CPAMD8: variants seen among roughly 807,000 people sequenced by gnomAD.
The protein encoded by CPAMD8 is C3 and PZP-like alpha-2-macroglobulin domain-containing protein 8.
Under a neutral mutation model 224.7 loss-of-function variants are expected in CPAMD8, and 146 were observed. That is an observed-to-expected ratio of 0.65 (90% CI 0.57 to 0.75). The LOEUF (loss-of-function observed/expected upper bound fraction) is 0.75, where lower values mean the gene tolerates loss of function less well. Among genes scored for constraint, CPAMD8 ranks in the 30% least tolerant of loss-of-function variants. The pLI is 0.00. For synonymous variants in CPAMD8, 966 were observed against 1,044.6 expected, an observed-to-expected ratio of 0.92 and a Z score of 1.45; for missense variants, 2,301 against 2,537.5, an observed-to-expected ratio of 0.91 and a Z score of 2.00.
chr19:16,975,960 C>G (rs766691852), intron 16 of CPAMD8, 42 bp downstream of exon 16: 3 of 1,475,778 alleles, frequency 2.0e-6, no homozygotes, highest in African/African-American at 2.9e-5. Context: ...GAAGGTAAAG[C>G]CCCGTGGAGG....
intron 3 of CPAMD8, among the ~76,000 whole-genome samples, chr19:17,016,006 C>T (rs142916493): frequency 9.9e-5 from 15 of 152,268 alleles, no homozygotes; most frequent in East Asian, 3.9e-4. Context: ...TGCTGTGGTG[C>T]GATCACGTCT....
intron 29 of CPAMD8, among the ~76,000 whole-genome samples, chr19:16,912,322 C>A (rs575966654): frequency 2.2e-4 from 33 of 152,226 alleles, no homozygotes; most frequent in African/African-American, 7.5e-4. Flanking sequence ...TGCTGCCCTG[C>A]AGGGCAGGCC....
In CPAMD8 at chr19:16,945,609, A is replaced by G; in HGVS notation, c.2733T>C (p.Asn911=). ...DGRSSKHPEE[N]HADRRVPIGV... Reference sequence around the variant, plus strand: ...CGATGGGGACCCTCCTGTCGGCGTGATTCTCCTCAGGGTGTTTGCTGGACC... The same window carrying G: ...CGATGGGGACCCTCCTGTCGGCGTGGTTCTCCTCAGGGTGTTTGCTGGACC... The change falls in exon 22 of 42, where the codon AAT becomes AAC. Residue 911 remains asparagine (N), a synonymous_variant. Transcript: ENST00000443236. 1 of 1,614,130 alleles carries G rather than the reference A, an allele frequency of 6.2e-7. No individual in the cohort carries two copies.
At chr19:17,015,438 G>C (rs1219288188) in intron 3 of CPAMD8, among the ~76,000 whole-genome samples, 1 of 151,914 alleles carries the variant, frequency 6.6e-6, no homozygotes, top group Non-Finnish European at 1.5e-5. Flanking sequence ...CCATTGTGTG[G>C]GTGAGGTCGG....
chr19:16,986,678 G>A (rs1214196454), intron 13 of CPAMD8, among the ~76,000 whole-genome samples: 1 of 152,008 alleles, frequency 6.6e-6, no homozygotes, highest in East Asian at 1.9e-4. Flanking sequence ...AGAGGTTTAT[G>A]GGCTGGTAGG....
At chr19:16,953,572 G>A (rs1244268297) in intron 19 of CPAMD8, among the ~76,000 whole-genome samples, 2 of 149,686 alleles carry the variant, frequency 1.3e-5, no homozygotes, top group East Asian at 4.0e-4. Flanking sequence ...GTGGTGGTGT[G>A]TACCTGTAGA....
chr19:16,917,635 C>T (rs577353129), intron 27 of CPAMD8, among the ~76,000 whole-genome samples: 5 of 152,188 alleles, frequency 3.3e-5, no homozygotes, highest in South Asian at 2.1e-4. Flanking sequence ...CAGCTGCTTG[C>T]GGGGCTGAGG....
chr19:16,906,916 A>T (rs2052539523), intron 30 of CPAMD8, 36 bp downstream of exon 30: 2 of 1,554,714 alleles, frequency 1.3e-6, no homozygotes, highest in South Asian at 1.2e-5. Context: ...GGGCTTCCCG[A>T]CGCTGTGGCC....
At chr19:16,933,575 C>A (rs1355385600) in intron 23 of CPAMD8, among the ~76,000 whole-genome samples, 2 of 152,030 alleles carry the variant, frequency 1.3e-5, no homozygotes, top group Non-Finnish European at 2.9e-5. Flanking sequence ...AGCAAACAGG[C>A]AAATGAAAAT....
At chr19:16,934,664 C>T (rs2053635202) in intron 23 of CPAMD8, among the ~76,000 whole-genome samples, 1 of 152,092 alleles carries the variant, frequency 6.6e-6, no homozygotes, top group Non-Finnish European at 1.5e-5. Flanking sequence ...ATAATCAACC[C>T]TATGAAAGCA....
At chr19:16,938,302 G>A (rs148541344) in intron 23 of CPAMD8, 93 bp downstream of exon 23, 118 of 621,430 alleles carry the variant, frequency 1.9e-4, no homozygotes, top group African/African-American at 1.5e-3. Flanking sequence ...ACTTTGCAGC[G>A]GGACAGCCCC....
intron 25 of CPAMD8, among the ~76,000 whole-genome samples, chr19:16,927,077 C>T (rs1214811752): frequency 6.6e-6 from 1 of 152,072 alleles, no homozygotes; most frequent in Non-Finnish European, 1.5e-5. Context: ...CAACTCCTAG[C>T]CCTGGATCAA....
intron 3 of CPAMD8, among the ~76,000 whole-genome samples, chr19:17,019,693 G>A: frequency 6.6e-6 from 1 of 150,820 alleles, no homozygotes; most frequent in East Asian, 2.0e-4. Flanking sequence ...GTGGTTGTGA[G>A]AACAGGCGTG....
At chr19:16,962,123 C>T (rs949065328) in intron 18 of CPAMD8, among the ~76,000 whole-genome samples, 19 of 152,306 alleles carry the variant, frequency 1.2e-4, no homozygotes, top group Admixed American at 5.2e-4. Flanking sequence ...AAAACCTGCG[C>T]GCCTCTTCTC....
intron 25 of CPAMD8, among the ~76,000 whole-genome samples, chr19:16,926,551 C>T (rs1338194989): frequency 6.6e-6 from 1 of 152,034 alleles, no homozygotes; most frequent in East Asian, 1.9e-4. Context: ...CTCTTGATCT[C>T]GTTATCCACC....
At chr19:16,994,035 C>G in intron 11 of CPAMD8, among the ~76,000 whole-genome samples, 1 of 152,112 alleles carries the variant, frequency 6.6e-6, no homozygotes. Flanking sequence ...TCTGGGACTT[C>G]AAGGCTGCAG....
intron 20 of CPAMD8, among the ~76,000 whole-genome samples, chr19:16,948,495 C>T (rs1196876533): frequency 1.3e-5 from 2 of 151,980 alleles, no homozygotes; most frequent in Non-Finnish European, 2.9e-5. Context: ...ACCTGTAATC[C>T]CAGCACTTTG....
intron 20 of CPAMD8, 100 bp from the exon 21 acceptor site, chr19:16,947,327 C>T (rs1323791649): frequency 2.2e-6 from 3 of 1,388,576 alleles, no homozygotes; most frequent in African/African-American, 1.5e-5. Context: ...ACACACCAGA[C>T]TTGTCAGCCT....
chr19:17,009,480 G>C lies in CPAMD8; in HGVS notation c.487-160C>G, dbSNP rs1003425579. 2.9e-5 allele frequency: 37 copies of C among 1,281,688 alleles called. No individual in the cohort carries two copies. In the East Asian group the frequency reaches 8.5e-4, roughly 30 times the overall value. The allele number at this position is 1,281,688 out of a possible 1,614,324, so 79.4% of individuals were successfully genotyped here. ...TCCGTTGAATCCTAACCCCAAGTAG[G>C]GTCTTTAGAAAGACTCATTACAGGT... On this transcript the variant is annotated intron_variant, in intron 5 of 41. Coordinates refer to ENST00000443236, the MANE Select transcript of CPAMD8 (RefSeq NM_015692.5).
Sources: allele counts gnomAD v4.1 joint callset (sites outside exome capture counted in the v4.1 genomes callset), GRCh38; gene constraint gnomAD v4.1.1; transcripts MANE v1.5; gene names NCBI Gene and HGNC (gene_info 2026-07-23, HGNC 2026-07-21).